Variants in OGFOD1 observed in about 807,000 individuals in gnomAD.
OGFOD1 encodes the protein prolyl 3-hydroxylase OGFOD1.
In OGFOD1, 54 loss-of-function variants were observed where a neutral mutation model predicts 67.7. The observed-to-expected ratio is 0.80, with a 90% CI of 0.64 to 1.00. The LOEUF is 1.00. Among genes scored for constraint, OGFOD1 ranks in the 50% least tolerant of loss-of-function variants. The pLI is 0.00. For synonymous variants in OGFOD1, 221 were observed against 227.0 expected (o/e 0.97, Z 0.24); for missense variants, 606 against 646.7 (o/e 0.94, Z 0.68).
At chr16:56,461,205 C>T (rs148283046) in intron 3 of OGFOD1, among the ~76,000 whole-genome samples, 47 of 152,300 alleles carry the variant, frequency 3.1e-4, no homozygotes, top group African/African-American at 9.4e-4. Flanking sequence ...CCTCTCTGAC[C>T]TCCTGCAAGG....
upstream of OGFOD1, chr16:56,451,526 C>G: frequency 6.8e-7 from 1 of 1,466,454 alleles, no homozygotes; most frequent in East Asian, 2.3e-5. Context: ...CCGGGAAACA[C>G]GATAAAGGGG....
intron 1 of OGFOD1, among the ~76,000 whole-genome samples, chr16:56,452,529 G>A (rs1962376378): frequency 6.6e-6 from 1 of 152,166 alleles, no homozygotes; most frequent in Non-Finnish European, 1.5e-5. Context: ...TTTTCTTTCC[G>A]TTGTCAAGTG....
chr16:56,465,003 CTT>C (rs796682726), intron 4 of OGFOD1, among the ~76,000 whole-genome samples: 21 of 139,612 alleles, frequency 1.5e-4, no homozygotes, highest in South Asian at 2.3e-4. Context: ...GAATGTATTT[CTT>C]TTTTTTTTTT....
chr16:56,455,242 C>T (rs1962485977), intron 2 of OGFOD1, among the ~76,000 whole-genome samples: 1 of 152,038 alleles, frequency 6.6e-6, no homozygotes, highest in Non-Finnish European at 1.5e-5. Flanking sequence ...TGGCACGCCC[C>T]TATAATCCCA....
rs1222450071 is a variant in OGFOD1 at position 56,475,497 on chromosome 16, C to G, written c.1409-10C>G. The G allele has an allele frequency of 6.2e-7, 1 of 1,613,422 alleles. No individual in the cohort carries two copies. Among genetic ancestry groups the G allele is most frequent in the African/African-American group, 1.3e-5 (1 of 74,914 alleles). On this transcript the variant is annotated splice_polypyrimidine_tract_variant and intron_variant, in intron 11 of 12. Coordinates refer to ENST00000566157, the MANE Select transcript of OGFOD1 (RefSeq NM_018233.4). ...AGCTTTCTGAATGCTGTTTGTTTTT[C>G]TCTTGTAAGGCTGGGAGCCAGAATA...
intron 2 of OGFOD1, among the ~76,000 whole-genome samples, chr16:56,454,074 G>C (rs1378724117): frequency 6.6e-6 from 1 of 152,218 alleles, no homozygotes; most frequent in South Asian, 2.1e-4. Context: ...CGGGCCAGGT[G>C]TGGTGGCTCA....
chr16:56,474,865 T>C lies in OGFOD1; in HGVS notation c.1323T>C (p.His441=), dbSNP rs143851273. 3 of 1,613,440 alleles carry C rather than the reference T, an allele frequency of 1.9e-6. No individual in the cohort carries two copies. The highest frequency in any genetic ancestry group is 1.3e-5 in the African/African-American group (1 of 74,870). Residue 441 remains histidine, a synonymous_variant, in exon 11 of 13, where the codon CAT becomes CAC. Transcript: ENST00000566157. ...CCATGTGCCAAGGGGAACTGAGGCATTGGAAGACCGGTCACTACACTTTAA... is the reference window on the plus strand; with the variant it reads ...CCATGTGCCAAGGGGAACTGAGGCACTGGAAGACCGGTCACTACACTTTAA... ...SVPMCQGELR[H]WKTGHYTLIH... is the part of the protein sequence containing the mutation.
chr16:56,463,384 GTTTTTTTTT>G (rs56388148), intron 4 of OGFOD1, among the ~76,000 whole-genome samples: 8 of 43,784 alleles, frequency 1.8e-4, no homozygotes, highest in Non-Finnish European at 2.0e-4. Context: ...TCTTTTTTGG[GTTTTTTTTT>G]TTTTTTTTTT....
intron 1 of OGFOD1, 140 bp downstream of exon 1, chr16:56,451,906 C>A (rs956130497): frequency 3.4e-6 from 3 of 880,834 alleles, no homozygotes; most frequent in South Asian, 3.8e-5. Flanking sequence ...CTCCTACTCT[C>A]CTGCCTCGGC....
chr16:56,465,981 A>G, intron 4 of OGFOD1, 171 bp from the exon 5 acceptor site: 1 of 535,174 alleles, frequency 1.9e-6, no homozygotes, highest in Non-Finnish European at 3.3e-6. Flanking sequence ...ATATTGACTT[A>G]TTTGTTTACT....
chr16:56,468,249 A>C lies in OGFOD1; in HGVS notation c.900+231A>C, dbSNP rs143705671. On this transcript the variant is annotated intron_variant, in intron 8 of 12. Transcript: ENST00000566157. ...TATTCCCCAGTTCTCTAGAGTCTTA[A>C]ACACACACACACACACAAGCTTCCA... Among the ~76,000 whole-genome samples, 550 of 151,694 alleles carry C rather than the reference A, an allele frequency of 3.6e-3. 3 individuals are homozygous for C. The highest frequency in any genetic ancestry group is 0.012 in the African/African-American group (510 of 41,404).
At chr16:56,454,237 A>T (rs1962435245) in intron 2 of OGFOD1, among the ~76,000 whole-genome samples, 1 of 152,160 alleles carries the variant, frequency 6.6e-6, no homozygotes. Flanking sequence ...AATCCCAGCT[A>T]CTTGGGAGGC....
chr16:56,476,689 C>T lies in OGFOD1; in HGVS notation c.*484C>T, dbSNP rs7198524. 104,717 of 152,814 alleles carry T rather than the reference C, an allele frequency of 0.69. 37,763 individuals carry two copies. The highest frequency in any genetic ancestry group is 0.92 in the African/African-American group (38,346 of 41,568). The allele number at this position is 152,814 out of a possible 1,614,324, so 9.5% of individuals were successfully genotyped here. A position where few individuals can be genotyped will look rare whatever the true frequency, so the allele number is the denominator to read the frequency against. On this transcript the variant is annotated 3_prime_UTR_variant, in exon 13 of 13. Coordinates refer to ENST00000566157, the MANE Select transcript of OGFOD1 (RefSeq NM_018233.4). ...CCCCTTCCCCTAGCAACAGCCATACCTTTTGTCTCTATCATCAACTTCACT... is the reference window on the plus strand; with the variant it reads ...CCCCTTCCCCTAGCAACAGCCATACTTTTTGTCTCTATCATCAACTTCACT...
chr16:56,464,382 T>G (rs1271472760), intron 4 of OGFOD1, among the ~76,000 whole-genome samples: 1 of 152,116 alleles, frequency 6.6e-6, no homozygotes, highest in Non-Finnish European at 1.5e-5. Context: ...GGAGATACTT[T>G]AAGATTATGT....
chr16:56,462,557 G>A lies in OGFOD1; in HGVS notation c.371G>A (p.Arg124Gln), dbSNP rs147797412. 1.2e-4 allele frequency: 189 copies of A among 1,611,974 alleles called. 3 individuals carry two copies. In the African/African-American group the frequency reaches 1.5e-3, roughly 13 times the overall value. Residue 124 changes from arginine to glutamine, a missense_variant, in exon 4 of 13, where the codon CGG becomes CAG. Arg to Gln is a conservative substitution (Grantham distance 43). Transcript: ENST00000566157. ...TLRKILFEDF[R>Q]SWLSDISKID... ...AGGAAAATTCTGTTTGAAGATTTCCGGTCCTGGCTTTCTGATATTTCTAAA... is the reference window on the plus strand; with the variant it reads ...AGGAAAATTCTGTTTGAAGATTTCCAGTCCTGGCTTTCTGATATTTCTAAA...
At chr16:56,468,083 G>A in intron 8 of OGFOD1, 65 bp downstream of exon 8, 2 of 792,918 alleles carry the variant, frequency 2.5e-6, no homozygotes, top group Non-Finnish European at 4.4e-6. Flanking sequence ...CCAAATGGGT[G>A]AATAGGCATC....
intron 1 of OGFOD1, 60 bp downstream of exon 1, chr16:56,451,826 C>G: frequency 6.4e-7 from 1 of 1,568,500 alleles, no homozygotes; most frequent in South Asian, 1.2e-5. Flanking sequence ...TCTGAAAAAG[C>G]CCTGGGACTC....
Position 56,470,628 on chromosome 16 carries a change from T to C in OGFOD1, c.1122T>C (p.Asp374=). The C allele has an allele frequency of 1.9e-6, 3 of 1,614,110 alleles. No individual in the cohort carries two copies. The highest frequency in any genetic ancestry group is 2.5e-6 in the Non-Finnish European group (3 of 1,180,008). ...KLHFLAPSEE[D]EMNDKKEAET... The stretch of plus-strand genomic sequence containing the variant: ...ATTTCTTGGCCCCTTCGGAAGAAGA[T>C]GAGATGAATGATAAAAAAGAGGCAG... Residue 374 remains aspartate, a synonymous_variant, in exon 10 of 13, where the codon GAT becomes GAC. Coordinates refer to ENST00000566157, the MANE Select transcript of OGFOD1 (RefSeq NM_018233.4).
chr16:56,468,720 C>T (rs1332437168), intron 8 of OGFOD1, among the ~76,000 whole-genome samples: 1 of 102,360 alleles, frequency 9.8e-6, no homozygotes, highest in African/African-American at 5.6e-5. Flanking sequence ...AGCGAGACTC[C>T]GTCTCAAAAA....
Sources: gnomAD v4.1 joint callset for allele counts (sites outside exome capture counted in the v4.1 genomes callset) on GRCh38, gnomAD v4.1.1 for gene constraint, MANE v1.5 for transcripts, NCBI Gene and HGNC (gene_info 2026-07-23, HGNC 2026-07-21) for gene names.